The following TTLL6 variants were observed in gnomAD, a reference collection of about 807,000 sequenced individuals.
TTLL6 encodes the protein tubulin polyglutamylase TTLL6.
TTLL6 carries 75 observed loss-of-function variants against 96.4 expected under a neutral mutation model. The ratio of observed to expected loss-of-function variants is 0.78; its 90% CI spans 0.65 to 0.94. The LOEUF (loss-of-function observed/expected upper bound fraction) is 0.94. TTLL6 is among the 40% of genes least tolerant of loss of function. The pLI, the probability that TTLL6 is intolerant of heterozygous loss-of-function variation, is 0.00. For missense variants in TTLL6, 1,030 were observed against 1,093.0 expected (o/e 0.94, Z 0.81); for synonymous variants, 411 against 419.4 (o/e 0.98, Z 0.24).
chr17:48,789,481 G>A (rs2039174101), intron 10 of TTLL6, among the ~76,000 whole-genome samples: 1 of 152,148 alleles, frequency 6.6e-6, no homozygotes, highest in African/African-American at 2.4e-5. Flanking sequence ...AGATCACTGA[G>A]GCTCAGAGAA....
In TTLL6 at chr17:48,791,455, T is replaced by A. The variant is rs2039221687; in HGVS notation, c.1147A>T (p.Thr383Ser). 1 of 1,614,036 alleles carries A rather than the reference T, an allele frequency of 6.2e-7. No homozygotes were observed. The highest frequency in any genetic ancestry group is 1.7e-5 in the Admixed American group (1 of 60,008). The change falls in exon 9 of 16, where the codon ACA becomes TCA. Residue 383 changes from threonine to serine, a missense_variant. Coordinates refer to ENST00000393382, the MANE Select transcript of TTLL6 (RefSeq NM_001130918.3). The stretch of plus-strand genomic sequence containing the variant: ...ATCTCAAAGCAGGCGCTGTTGAGTG[T>A]GTGGTTGGGGAAGCAGGTGTGGTAG... ...HNYHTCFPNH[T>S]LNSACFEILG...
chr17:48,815,946 T>C (rs2039662217), intron 1 of TTLL6: 1 of 152,260 alleles, frequency 6.6e-6, no homozygotes, highest in Non-Finnish European at 1.5e-5. Flanking sequence ...CAGATGGATC[T>C]GGATCCAAAT....
chr17:48,804,954 C>T lies in TTLL6; in HGVS notation c.141G>A (p.Arg47=). The part of the protein sequence containing the change: ...WYFPRASSQA[R]EMPQCPTLES... ...CCAAAGTCGGGCACTGTGGCATCTCCCTGGCCTGGGAGGAGGCTCTGGGGA... is the reference window on the plus strand; with the variant it reads ...CCAAAGTCGGGCACTGTGGCATCTCTCTGGCCTGGGAGGAGGCTCTGGGGA... Residue 47 remains arginine (R), a synonymous_variant, in exon 2 of 16, where the codon AGG becomes AGA. Coordinates refer to ENST00000393382, the MANE Select transcript of TTLL6 (RefSeq NM_001130918.3). 2 of 1,551,752 alleles carry T rather than the reference C, an allele frequency of 1.3e-6. No individual in the cohort carries two copies. The highest frequency in any genetic ancestry group is 1.7e-6 in the Non-Finnish European group (2 of 1,146,990).
chr17:48,768,852 T>A, intron 15 of TTLL6, 137 bp downstream of exon 15: 1 of 1,006,794 alleles, frequency 9.9e-7, no homozygotes, highest in South Asian at 1.6e-5. Context: ...AGGGTCACAT[T>A]TTTACTAAGT....
intron 1 of TTLL6, 80 bp from the exon 2 acceptor site, chr17:48,805,071 A>G: frequency 8.6e-7 from 1 of 1,156,608 alleles, no homozygotes; most frequent in South Asian, 1.4e-5. Flanking sequence ...GTGGGTAGAG[A>G]CCCAGGGTTC....
intron 8 of TTLL6, among the ~76,000 whole-genome samples, chr17:48,794,589 C>G (rs1050580837): frequency 1.3e-5 from 2 of 152,164 alleles, no homozygotes; most frequent in African/African-American, 4.8e-5. Context: ...GCCCACAGCC[C>G]AGGTGGGGAG....
chr17:48,791,323 C>T (rs1295819653), intron 9 of TTLL6, 55 bp downstream of exon 9: 7 of 1,487,078 alleles, frequency 4.7e-6, no homozygotes, highest in East Asian at 2.3e-5. Flanking sequence ...ATCCTTGAAG[C>T]GGGCTGGCCC....
chr17:48,810,339 C>T (rs982590076), intron 1 of TTLL6, among the ~76,000 whole-genome samples: 20 of 152,102 alleles, frequency 1.3e-4, no homozygotes, highest in African/African-American at 4.8e-4. Context: ...GGATGGTACC[C>T]GAGACAGGTG....
chr17:48,794,685 A>G (rs1375752729), intron 8 of TTLL6, among the ~76,000 whole-genome samples: 4 of 152,190 alleles, frequency 2.6e-5, no homozygotes, highest in Non-Finnish European at 4.4e-5. Flanking sequence ...CCAGCCTTCC[A>G]CATCCCCTTT....
chr17:48,794,623 C>A (rs2039286656), intron 8 of TTLL6, among the ~76,000 whole-genome samples: 1 of 152,210 alleles, frequency 6.6e-6, no homozygotes, highest in African/African-American at 2.4e-5. Context: ...CGCAGAGCTT[C>A]AGGCAGCACA....
chr17:48,768,088 T>C (rs765597608), intron 15 of TTLL6, among the ~76,000 whole-genome samples: 1 of 151,976 alleles, frequency 6.6e-6, no homozygotes, highest in Non-Finnish European at 1.5e-5. Flanking sequence ...TATTAATACA[T>C]AGCAAGGGGG....
chr17:48,810,837 A>G (rs868754882), intron 1 of TTLL6, among the ~76,000 whole-genome samples: 1,274 of 125,634 alleles, frequency 0.01, 77 homozygotes, highest in African/African-American at 0.036. Flanking sequence ...ATATATATAT[A>G]TATATATATA....
At chr17:48,774,082 C>CAAAAAAAAAAAAAAA (rs1159647645) in intron 13 of TTLL6, among the ~76,000 whole-genome samples, 3 of 46,138 alleles carry the variant, frequency 6.5e-5, no homozygotes, top group Non-Finnish European at 1.2e-4. Context: ...AACTCCATCT[C>CAAAAAAAAAAAAAAA]AAAAAAAACA....
chr17:48,808,697 T>C (rs951556477), intron 1 of TTLL6, among the ~76,000 whole-genome samples: 1 of 152,092 alleles, frequency 6.6e-6, no homozygotes, highest in South Asian at 2.1e-4. Context: ...CCCTCCTGAG[T>C]AGCTGGGATT....
intron 13 of TTLL6, among the ~76,000 whole-genome samples, chr17:48,770,920 A>G (rs577778610): frequency 6.9e-6 from 1 of 144,612 alleles, no homozygotes; most frequent in Non-Finnish European, 1.5e-5. Flanking sequence ...TTCTGTCTCA[A>G]AAACAAACAA....
intron 13 of TTLL6, 89 bp downstream of exon 13, chr17:48,784,834 C>T: frequency 7.7e-6 from 9 of 1,175,382 alleles, no homozygotes; most frequent in South Asian, 1.4e-5. Flanking sequence ...CAGTGGCTTA[C>T]TCAAAGGGTC....
At chr17:48,792,978 GC>G (rs1368002818) in intron 8 of TTLL6, among the ~76,000 whole-genome samples, 1 of 152,118 alleles carries the variant, frequency 6.6e-6, no homozygotes, top group African/African-American at 2.4e-5. Flanking sequence ...ATTTCATAAT[GC>G]CCAGTGGTAA....
intron 15 of TTLL6, chr17:48,765,919 C>T (rs138788197): frequency 1.8e-4 from 28 of 152,332 alleles, no homozygotes; most frequent in African/African-American, 6.5e-4. Context: ...TCTAAGATGC[C>T]ACATGATAAA....
intron 13 of TTLL6, among the ~76,000 whole-genome samples, chr17:48,774,930 C>T (rs534754369): frequency 1.3e-5 from 2 of 152,092 alleles, no homozygotes; most frequent in South Asian, 4.2e-4. Context: ...GTCAGGAGTT[C>T]GACACCAGCC....
Sources: allele counts gnomAD v4.1 joint callset (sites outside exome capture counted in the v4.1 genomes callset), GRCh38; gene constraint gnomAD v4.1.1; transcripts MANE v1.5; gene names NCBI Gene and HGNC (gene_info 2026-07-23, HGNC 2026-07-21).